The following ADAM12 variants were observed in gnomAD, a reference collection of about 807,000 sequenced individuals.
ADAM12 encodes ADAM metallopeptidase domain 12, also known as disintegrin and metalloproteinase domain-containing protein 12.
In ADAM12, 70 loss-of-function variants were observed where a neutral mutation model predicts 106.4. That is an observed-to-expected ratio of 0.66 (90% confidence interval 0.54 to 0.80). ADAM12 has a LOEUF of 0.80. Ranked by LOEUF, ADAM12 falls within the 30% of genes least tolerant of loss-of-function variation. The probability of loss-of-function intolerance (pLI) is 0.00; values close to 1 mark genes in which losing one functional copy is unlikely to be tolerated. For missense variants in ADAM12, 1,010 were observed against 1,171.9 expected (o/e 0.86, Z 2.02); for synonymous variants, 420 against 433.5 (o/e 0.97, Z 0.39).
At chr10:126,215,888 A>G (rs1957978922) in intron 3 of ADAM12, among the ~76,000 whole-genome samples, 1 of 152,140 alleles carries the variant, frequency 6.6e-6, no homozygotes, top group Admixed American at 6.5e-5. Context: ...CAATATTTTG[A>G]CTAGTGAGAG....
intron 3 of ADAM12, among the ~76,000 whole-genome samples, chr10:126,274,809 C>T (rs1310543066): frequency 1.3e-5 from 2 of 152,184 alleles, no homozygotes; most frequent in Admixed American, 6.5e-5. Flanking sequence ...CCAACTAAAC[C>T]ATCTAATGCC....
At chr10:126,136,054 G>A (rs1956399551) in intron 4 of ADAM12, among the ~76,000 whole-genome samples, 1 of 152,040 alleles carries the variant, frequency 6.6e-6, no homozygotes, top group African/African-American at 2.4e-5. Flanking sequence ...ACTGTGAAAT[G>A]TAATAAAACA....
intron 2 of ADAM12, among the ~76,000 whole-genome samples, chr10:126,299,380 T>C (rs1386049146): frequency 6.6e-6 from 1 of 152,194 alleles, no homozygotes; most frequent in Non-Finnish European, 1.5e-5. Context: ...GCATCTATTA[T>C]GGGCAAGGCA....
At chr10:126,057,909 T>A (rs1194014445) in intron 14 of ADAM12, among the ~76,000 whole-genome samples, 1 of 152,196 alleles carries the variant, frequency 6.6e-6, no homozygotes, top group African/African-American at 2.4e-5. Flanking sequence ...TTTTTATAGT[T>A]AATTGGAGCT....
chr10:126,378,517 A>G (rs1266810424), intron 1 of ADAM12, among the ~76,000 whole-genome samples: 1 of 152,226 alleles, frequency 6.6e-6, no homozygotes, highest in Non-Finnish European at 1.5e-5. Context: ...ATAGTAGGGT[A>G]CCATTTACTT....
chr10:126,095,378 CA>C (rs1248911912), intron 10 of ADAM12, among the ~76,000 whole-genome samples: 6 of 151,560 alleles, frequency 4.0e-5, no homozygotes, highest in Admixed American at 1.3e-4. Context: ...ACTAAAAATA[CA>C]AAAAACTAGC....
intron 3 of ADAM12, among the ~76,000 whole-genome samples, chr10:126,229,530 C>T (rs1449210127): frequency 6.6e-6 from 1 of 152,090 alleles, no homozygotes; most frequent in Non-Finnish European, 1.5e-5. Flanking sequence ...TCCAATAAAA[C>T]ACATTAGAAA....
chr10:126,364,139 CTT>C (rs374124944), intron 1 of ADAM12, among the ~76,000 whole-genome samples: 3 of 150,950 alleles, frequency 2.0e-5, no homozygotes, highest in Non-Finnish European at 4.4e-5. Flanking sequence ...GTATCCAATA[CTT>C]TTTTTTTTAA....
intron 3 of ADAM12, among the ~76,000 whole-genome samples, chr10:126,202,960 T>C (rs975152960): frequency 6.6e-6 from 1 of 152,140 alleles, no homozygotes. Flanking sequence ...AATTAAAAAG[T>C]TTCACATTGT....
At chr10:126,259,204 C>T (rs1466988453) in intron 3 of ADAM12, among the ~76,000 whole-genome samples, 3 of 152,090 alleles carry the variant, frequency 2.0e-5, no homozygotes, top group Admixed American at 2.0e-4. Flanking sequence ...ATTCACACGG[C>T]AGAGTGCAGC....
chr10:126,154,373 A>C (rs1674911), intron 4 of ADAM12, among the ~76,000 whole-genome samples: 65,960 of 152,064 alleles, frequency 0.43, 14,876 homozygotes, highest in East Asian at 0.77. Context: ...CATTCCACCA[A>C]GTTCCTGGAA....
chr10:126,364,056 G>T (rs535849951), intron 1 of ADAM12, among the ~76,000 whole-genome samples: 1 of 151,956 alleles, frequency 6.6e-6, no homozygotes, highest in Admixed American at 6.6e-5. Flanking sequence ...TTTTTATCAG[G>T]TCACAAGATT....
chr10:126,098,927 A>G (rs760411025), intron 9 of ADAM12, among the ~76,000 whole-genome samples: 4 of 152,214 alleles, frequency 2.6e-5, no homozygotes, highest in Non-Finnish European at 4.4e-5. Flanking sequence ...GTAACTTACT[A>G]CAGTTCTGCC....
At position 126,388,131 on chromosome 10, in the gene ADAM12, C is replaced by A; in HGVS notation, c.15G>T (p.Pro5=). Reference sequence around the variant, plus strand: ...GGGCGCGGGCGGGGGACACGGGCAGCGGGCGCGCTGCCATCGTCGCCGGCC... The same window carrying A: ...GGGCGCGGGCGGGGGACACGGGCAGAGGGCGCGCTGCCATCGTCGCCGGCC... MAAR[P]LPVSPARALL... Residue 5 remains proline, a synonymous_variant, in exon 1 of 23, where the codon CCG becomes CCT. Transcript: ENST00000448723. The surrounding 1 kb of genome is among the most constrained non-coding windows in gnomAD (Gnocchi z 4.4). 2 of 1,217,072 alleles carry A rather than the reference C, an allele frequency of 1.6e-6. No homozygotes were observed. Among genetic ancestry groups the A allele is most frequent in the East Asian group, 3.3e-5 (1 of 30,076 alleles). The allele number at this position is 1,217,072 out of a possible 1,614,324, so 75.4% of individuals were successfully genotyped here.
intron 2 of ADAM12, among the ~76,000 whole-genome samples, chr10:126,327,272 G>C (rs1330220839): frequency 2.6e-5 from 4 of 152,168 alleles, no homozygotes; most frequent in African/African-American, 9.7e-5. Context: ...GGAAAATCAT[G>C]ATGAGTTAGA....
intron 21 of ADAM12, among the ~76,000 whole-genome samples, chr10:126,032,186 G>A (rs774572049): frequency 7.2e-5 from 11 of 152,206 alleles, no homozygotes; most frequent in Non-Finnish European, 1.6e-4. Context: ...GACAAATGAA[G>A]CAGGATTAGC....
intron 5 of ADAM12, among the ~76,000 whole-genome samples, chr10:126,134,167 C>G (rs937612819): frequency 2.0e-5 from 3 of 152,166 alleles, no homozygotes; most frequent in Non-Finnish European, 2.9e-5. Context: ...TTCAGAGTAG[C>G]AGACATCTTA....
At chr10:126,335,300 G>C (rs187865262) in intron 1 of ADAM12, among the ~76,000 whole-genome samples, 2 of 152,310 alleles carry the variant, frequency 1.3e-5, no homozygotes, top group Admixed American at 1.3e-4. Context: ...GCTTGAAAGG[G>C]AAATCATTAT....
In ADAM12 at chr10:126,361,742, G is replaced by C. The variant is rs568211999; in HGVS notation, c.88+26316C>G. Among the ~76,000 whole-genome samples the C allele has an allele frequency of 1.2e-4, 19 of 152,256 alleles. No homozygotes were observed. In the South Asian group the frequency reaches 3.9e-3, roughly 32 times the overall value. On this transcript the variant is annotated intron_variant, in intron 1 of 22. Coordinates refer to ENST00000448723, the MANE Select transcript of ADAM12 (RefSeq NM_001288973.2). ...AAAAACTGGATAATCATAGGCAGTA[G>C]AATGAAATTGGACACTTATCTCACA...
Sources: allele counts gnomAD v4.1 joint callset (sites outside exome capture counted in the v4.1 genomes callset), GRCh38; gene constraint gnomAD v4.1.1; non-coding constraint Gnocchi (gnomAD v3.1); transcripts MANE v1.5; gene names NCBI Gene and HGNC (gene_info 2026-07-23, HGNC 2026-07-21).